Variants in C1QTNF3 observed in about 807,000 individuals in gnomAD.
The protein encoded by C1QTNF3 is complement C1q tumor necrosis factor-related protein 3.
A neutral mutation model predicts 32.6 loss-of-function variants in C1QTNF3; 26 were observed. The observed-to-expected ratio is 0.80, with a 90% confidence interval of 0.58 to 1.11. The LOEUF is 1.11. Ranked by LOEUF, C1QTNF3 falls within the 50% of genes least tolerant of loss-of-function variation. C1QTNF3 has a pLI of 0.00. For synonymous variants in C1QTNF3, 155 were observed against 146.0 expected, an observed-to-expected ratio of 1.06 and a Z score of -0.44; for missense variants, 362 against 398.2, an observed-to-expected ratio of 0.91 and a Z score of 0.77.
At chr5:34,119,571 G>A in the C1QTNF3 span, among the ~76,000 whole-genome samples, 1 of 152,042 alleles carries the variant, frequency 6.6e-6, no homozygotes, top group African/African-American at 2.4e-5. Context: ...TTACAGATCT[G>A]GAAGCCAAAG....
chr5:34,133,036 T>C, the C1QTNF3 span, among the ~76,000 whole-genome samples: 1 of 152,188 alleles, frequency 6.6e-6, no homozygotes, highest in Non-Finnish European at 1.5e-5. Context: ...ACAAACACTG[T>C]AAGGAGTGCC....
At chr5:34,162,989 T>C in the C1QTNF3 span, among the ~76,000 whole-genome samples, 1 of 152,172 alleles carries the variant, frequency 6.6e-6, no homozygotes, top group Non-Finnish European at 1.5e-5. Context: ...GTATAAGTTC[T>C]TGCATTCAAT....
At chr5:34,237,818 C>T in the C1QTNF3 span, among the ~76,000 whole-genome samples, 1 of 152,064 alleles carries the variant, frequency 6.6e-6, no homozygotes, top group Non-Finnish European at 1.5e-5. Flanking sequence ...GAACACCTAA[C>T]ACAAGAAACA....
chr5:34,051,277 GTT>G, the C1QTNF3 span, among the ~76,000 whole-genome samples: 1 of 152,060 alleles, frequency 6.6e-6, no homozygotes, highest in Non-Finnish European at 1.5e-5. Flanking sequence ...CCATTCAACT[GTT>G]TTCTACATGA....
chr5:34,205,127 T>A, the C1QTNF3 span, among the ~76,000 whole-genome samples: 2 of 146,418 alleles, frequency 1.4e-5, no homozygotes, highest in Non-Finnish European at 3.0e-5. Context: ...GATGTTCTTC[T>A]ACTAAGGGCA....
chr5:34,210,730 TATAC>T, the C1QTNF3 span, among the ~76,000 whole-genome samples: 1 of 152,066 alleles, frequency 6.6e-6, no homozygotes. Flanking sequence ...CTTCCAAGAT[TATAC>T]ATAGAGTTTT....
chr5:34,163,907 G>A, the C1QTNF3 span, among the ~76,000 whole-genome samples: 5 of 152,124 alleles, frequency 3.3e-5, no homozygotes, highest in East Asian at 7.7e-4. Context: ...TTTGGTTTGT[G>A]TTGATATGTT....
At chr5:34,079,401 T>A in the C1QTNF3 span, among the ~76,000 whole-genome samples, 1 of 151,628 alleles carries the variant, frequency 6.6e-6, no homozygotes, top group Non-Finnish European at 1.5e-5. Flanking sequence ...ATTCATATTT[T>A]TTTCATAGTG....
At chr5:34,160,259 C>T in the C1QTNF3 span, among the ~76,000 whole-genome samples, 5 of 152,168 alleles carry the variant, frequency 3.3e-5, no homozygotes, top group Non-Finnish European at 7.3e-5. Context: ...ACCTGTCTAA[C>T]AGAACTCCTA....
the C1QTNF3 span, among the ~76,000 whole-genome samples, chr5:34,235,236 G>T: frequency 6.6e-6 from 1 of 152,086 alleles, no homozygotes; most frequent in Non-Finnish European, 1.5e-5. Flanking sequence ...AGAAAAACCT[G>T]AGCTTTTCTG....
At chr5:34,217,105 AATTG>A in the C1QTNF3 span, among the ~76,000 whole-genome samples, 12 of 152,274 alleles carry the variant, frequency 7.9e-5, no homozygotes, top group South Asian at 8.3e-4. Flanking sequence ...TGCCAAAAAG[AATTG>A]ATTATCATGT....
the C1QTNF3 span, among the ~76,000 whole-genome samples, chr5:34,097,308 T>C: frequency 2.0e-5 from 3 of 152,026 alleles, no homozygotes; most frequent in Non-Finnish European, 4.4e-5. Context: ...CATCATTGTA[T>C]CTGACATTTA....
the C1QTNF3 span, chr5:34,124,455 G>T: frequency 1.4e-6 from 1 of 716,568 alleles, no homozygotes; most frequent in East Asian, 2.7e-5. Flanking sequence ...CTTAGTCATG[G>T]CAGAAAGTGA....
chr5:34,095,068 A>G, the C1QTNF3 span, among the ~76,000 whole-genome samples: 1 of 152,076 alleles, frequency 6.6e-6, no homozygotes, highest in Admixed American at 6.6e-5. Context: ...GTGTTCATAA[A>G]TTTAATGTTT....
chr5:34,044,639 C>T (rs1474142590), upstream of C1QTNF3, among the ~76,000 whole-genome samples: 3 of 152,194 alleles, frequency 2.0e-5, no homozygotes, highest in Non-Finnish European at 4.4e-5. Context: ...AGAGTCCACA[C>T]TTATACATGG....
chr5:34,223,275 T>C, the C1QTNF3 span, among the ~76,000 whole-genome samples: 1 of 139,694 alleles, frequency 7.2e-6, no homozygotes, highest in South Asian at 2.4e-4. Context: ...CAGTCTTAGG[T>C]TTTTTGTCCT....
At chr5:34,157,071 T>G in the C1QTNF3 span, among the ~76,000 whole-genome samples, 4 of 152,226 alleles carry the variant, frequency 2.6e-5, no homozygotes, top group African/African-American at 9.6e-5. Flanking sequence ...TTTTTATGAC[T>G]ATTGGAGTAA....
chr5:34,090,984 T>C, the C1QTNF3 span, among the ~76,000 whole-genome samples: 1 of 152,264 alleles, frequency 6.6e-6, no homozygotes, highest in Non-Finnish European at 1.5e-5. Flanking sequence ...TTTCTGTTCA[T>C]TTATGTATTT....
chr5:34,213,842 G>A, the C1QTNF3 span, among the ~76,000 whole-genome samples: 5 of 39,342 alleles, frequency 1.3e-4, no homozygotes, highest in South Asian at 1.3e-3. Context: ...ATGGAGTTTC[G>A]CTCTTGCTGC....
Sources: allele counts gnomAD v4.1 joint callset (sites outside exome capture counted in the v4.1 genomes callset), GRCh38; gene constraint gnomAD v4.1.1; transcripts MANE v1.5; gene names NCBI Gene and HGNC (gene_info 2026-07-23, HGNC 2026-07-21).